Variants in NFIC observed in about 807,000 individuals in gnomAD.
The protein encoded by NFIC is nuclear factor I C.
NFIC carries 12 observed loss-of-function variants against 54.4 expected under a neutral mutation model. The ratio of observed to expected loss-of-function variants is 0.22; its 90% CI spans 0.14 to 0.36. The LOEUF (loss-of-function observed/expected upper bound fraction) is 0.36, where lower values mean the gene tolerates loss of function less well. Ranked by LOEUF, NFIC falls within the 10% of genes least tolerant of loss-of-function variation. NFIC has a pLI of 1.00. For missense variants in NFIC, 575 were observed against 718.2 expected (o/e 0.80, Z 2.28); for synonymous variants, 322 against 319.2 (o/e 1.01, Z -0.09).
intron 6 of NFIC, among the ~76,000 whole-genome samples, chr19:3,436,063 G>A (rs544268370): frequency 6.6e-6 from 1 of 151,914 alleles, no homozygotes; most frequent in African/African-American, 2.4e-5. Flanking sequence ...CCCGACCTCA[G>A]GTGATTCGCC....
At chr19:3,382,394 G>A (rs1599581024) in intron 2 of NFIC, 151 bp downstream of exon 2, 2 of 899,396 alleles carry the variant, frequency 2.2e-6, no homozygotes, top group Admixed American at 6.2e-5. Flanking sequence ...AGTGCCCAAT[G>A]GGGGCGACAC....
chr19:3,446,851 G>A (rs1166604909), intron 6 of NFIC, among the ~76,000 whole-genome samples: 1 of 151,920 alleles, frequency 6.6e-6, no homozygotes, highest in East Asian at 1.9e-4. Flanking sequence ...GGGCAACATA[G>A]CAAGACCCCA....
intron 6 of NFIC, among the ~76,000 whole-genome samples, chr19:3,437,403 T>G (rs1222914512): frequency 6.6e-6 from 1 of 151,530 alleles, no homozygotes; most frequent in African/African-American, 2.4e-5. Context: ...TTTCCGGCAC[T>G]CGGACGCATC....
At chr19:3,405,852 C>G (rs1840573748) in intron 2 of NFIC, among the ~76,000 whole-genome samples, 1 of 152,052 alleles carries the variant, frequency 6.6e-6, no homozygotes, top group Admixed American at 6.6e-5. Context: ...ATCTGCCTGC[C>G]TTGGCCTCCC....
chr19:3,366,149 C>T (rs905353647), upstream of NFIC, among the ~76,000 whole-genome samples: 19 of 151,744 alleles, frequency 1.3e-4, no homozygotes, highest in African/African-American at 4.1e-4. Flanking sequence ...CAGAAACAAC[C>T]CTGTCCCCCC....
intron 2 of NFIC, chr19:3,410,702 T>C (rs1466495975): frequency 6.6e-6 from 1 of 152,238 alleles, no homozygotes; most frequent in Non-Finnish European, 1.5e-5. Flanking sequence ...CAAAATGCTA[T>C]CATCAAAACA....
In NFIC at chr19:3,449,021, G is replaced by GT; in HGVS notation, c.967dup (p.Ser323PhefsTer219). 1 of 1,612,386 alleles carries GT rather than the reference G, an allele frequency of 6.2e-7. No homozygotes were observed. The highest frequency in any genetic ancestry group is 8.5e-7 in the Non-Finnish European group (1 of 1,179,310). On this transcript the variant is annotated frameshift_variant, in exon 7 of 11. Coordinates refer to ENST00000443272, the MANE Select transcript of NFIC (RefSeq NM_001245002.2). LOFTEE classifies it high-confidence loss of function. ...GTCCCATCCCCTCCACAGGCATCTC[G>GT]TCCCCGGTGAAGAAGACAGAGATGG...
chr19:3,418,922 T>C (rs555313030), intron 2 of NFIC, among the ~76,000 whole-genome samples: 16 of 152,164 alleles, frequency 1.1e-4, no homozygotes, highest in Non-Finnish European at 2.2e-4. Context: ...ACCAGGCTAC[T>C]CACATGGGTG....
chr19:3,463,130 CCTG>C lies in NFIC; in HGVS notation c.*367_*369del, dbSNP rs1166648989. The C allele has an allele frequency of 1.7e-6, 2 of 1,146,166 alleles. No homozygotes were observed. Among genetic ancestry groups the C allele is most frequent in the Non-Finnish European group, 2.1e-6 (2 of 931,530 alleles). 71.0% of individuals were successfully genotyped at this position (1,146,166 alleles called of 1,614,324 possible). On this transcript the variant is annotated 3_prime_UTR_variant, in exon 11 of 11. Transcript: ENST00000443272. ...TCCTAAGTTATTCATCTCCTCTCCG[CCTG>C]CTGCTCGGGAAGGACAGACGCCGGC...
chr19:3,394,311 T>A (rs1297063840), intron 2 of NFIC, among the ~76,000 whole-genome samples: 1 of 151,682 alleles, frequency 6.6e-6, no homozygotes, highest in African/African-American at 2.4e-5. Context: ...AGACCTTGTC[T>A]CTACAAAAAA....
At chr19:3,394,194 A>G (rs373767248) in intron 2 of NFIC, among the ~76,000 whole-genome samples, 9 of 152,052 alleles carry the variant, frequency 5.9e-5, no homozygotes, top group South Asian at 2.1e-4. Flanking sequence ...TTATTGGTCT[A>G]TTGGTCGGGT....
rs1174342759 is a variant in NFIC at position 3,449,130 on chromosome 19, G to A, written c.1075G>A (p.Val359Met). 31 of 1,612,622 alleles carry A rather than the reference G, an allele frequency of 1.9e-5. No individual in the cohort carries two copies. The highest frequency in any genetic ancestry group is 2.3e-5 in the Non-Finnish European group (27 of 1,179,384). ...CCAGCACCACCGGCCCGTCATCGCC[G>A]TGCACAGCGGTAAGCGCCACGGGCC... ...FTQHHRPVIA[V>M]HSGIARSPHP... The change falls in exon 7 of 11, where the codon GTG (valine) becomes ATG (methionine). Residue 359 changes from valine (V) to methionine (M), a missense_variant. By Grantham distance (21) the Val-to-Met change is conservative. Transcript: ENST00000443272.
chr19:3,450,356 A>AAAAG (rs68113510), intron 7 of NFIC, among the ~76,000 whole-genome samples: 2 of 146,424 alleles, frequency 1.4e-5, no homozygotes. Context: ...AAAAAAAAAA[A>AAAAG]AGAGACATCT....
rs920829592 is a variant in NFIC, at chr19:3,369,302, C to T, written c.30+2636C>T. On this transcript the variant is annotated intron_variant, in intron 1 of 10. Transcript: ENST00000443272. This position sits in a 1 kb window ranked among gnomAD's most constrained non-coding sequence, Gnocchi z 4.3. Reference sequence around the variant, plus strand: ...TTCATCTCTGTCTCACCTTCCCTTTCTCCTCTGTCTCTGCGTGTCTCCCCT... The same window carrying T: ...TTCATCTCTGTCTCACCTTCCCTTTTTCCTCTGTCTCTGCGTGTCTCCCCT... Among the ~76,000 whole-genome samples, 4 of 152,046 alleles carry T rather than the reference C, an allele frequency of 2.6e-5. No individual in the cohort carries two copies. Among genetic ancestry groups the T allele is most frequent in the African/African-American group, 9.7e-5 (4 of 41,380 alleles).
chr19:3,366,419 G>C, upstream of NFIC: 1 of 486,308 alleles, frequency 2.1e-6, no homozygotes, highest in Non-Finnish European at 3.6e-6. Context: ...GGAAGAGAGA[G>C]ACGGAGGGAG....
chr19:3,460,609 A>G (rs2082624777), intron 10 of NFIC, among the ~76,000 whole-genome samples: 1 of 151,906 alleles, frequency 6.6e-6, no homozygotes, highest in Non-Finnish European at 1.5e-5. Flanking sequence ...CGCCCCCTGG[A>G]TTCAGACGAT....
chr19:3,387,439 T>C (rs564052353), intron 2 of NFIC, among the ~76,000 whole-genome samples: 81 of 152,122 alleles, frequency 5.3e-4, no homozygotes, highest in African/African-American at 1.8e-3. Context: ...GAGGTTGCAG[T>C]GAGCCAAGAT....
intron 6 of NFIC, among the ~76,000 whole-genome samples, chr19:3,436,866 C>T (rs902415537): frequency 1.3e-5 from 2 of 152,114 alleles, no homozygotes; most frequent in African/African-American, 2.4e-5. Flanking sequence ...CAGCCCTGCC[C>T]GTGTCTAGCT....
intron 2 of NFIC, among the ~76,000 whole-genome samples, chr19:3,390,580 T>C (rs1477619480): frequency 1.3e-5 from 2 of 152,182 alleles, no homozygotes; most frequent in Non-Finnish European, 2.9e-5. Context: ...ATGGGGATGA[T>C]AATAATCCTG....
Sources: gnomAD v4.1 joint callset for allele counts (sites outside exome capture counted in the v4.1 genomes callset) on GRCh38, gnomAD v4.1.1 for gene constraint, Gnocchi (gnomAD v3.1) non-coding constraint, MANE v1.5 for transcripts, NCBI Gene and HGNC (gene_info 2026-07-23, HGNC 2026-07-21) for gene names.